Variants in BEST3 observed in about 807,000 individuals in gnomAD.
BEST3 encodes the protein bestrophin-3.
In BEST3, 50 loss-of-function variants were observed where a neutral mutation model predicts 47.1. That is an observed-to-expected ratio of 1.06 (90% CI 0.85 to 1.34). BEST3 has a LOEUF of 1.34. Ranked by LOEUF, BEST3 falls within the 40% of genes most tolerant of loss-of-function variation. BEST3 has a pLI of 0.00. For synonymous variants in BEST3, 282 were observed against 298.8 expected, an observed-to-expected ratio of 0.94 and a Z score of 0.58; for missense variants, 765 against 817.0, an observed-to-expected ratio of 0.94 and a Z score of 0.78.
rs1452039198 is a variant in BEST3, at chr12:69,655,654, G to A, written c.1260C>T (p.Ser420=). ...RRSYRRQTSD[S]SMFLPRDDLS... ...GGTCATCTCGGGGTAAGAACATGGA[G>A]CTGTCACTTGTCTGCCTCCTGTAGC... Residue 420 remains serine (S), a synonymous_variant, in exon 10 of 10, where the codon AGC becomes AGT. Coordinates refer to ENST00000330891, the MANE Select transcript of BEST3 (RefSeq NM_032735.3). 1.9e-6 allele frequency: 3 copies of A among 1,614,004 alleles called. No homozygotes were observed. Among genetic ancestry groups the A allele is most frequent in the Non-Finnish European group, 1.7e-6 (2 of 1,180,002 alleles).
chr12:69,698,604 A>G (rs1171393376), intron 1 of BEST3, among the ~76,000 whole-genome samples: 4 of 152,224 alleles, frequency 2.6e-5, no homozygotes, highest in African/African-American at 7.2e-5. Context: ...AGGATCTATG[A>G]GGAGAGTCTT....
intron 9 of BEST3, chr12:69,659,961 A>G (rs710735): frequency 0.98 from 149,680 of 152,188 alleles, 73,656 homozygotes; most frequent in East Asian, 1. Flanking sequence ...GACATTCATG[A>G]AAAGTGTCAT....
At chr12:69,659,136 T>A (rs1346907456) in intron 9 of BEST3, among the ~76,000 whole-genome samples, 1 of 152,164 alleles carries the variant, frequency 6.6e-6, no homozygotes, top group Non-Finnish European at 1.5e-5. Flanking sequence ...TATCTTACAC[T>A]GAGTGGTGAA....
At chr12:69,693,581 G>T in intron 4 of BEST3, 93 bp downstream of exon 4, 1 of 1,089,284 alleles carries the variant, frequency 9.2e-7, no homozygotes, top group Non-Finnish European at 1.3e-6. Flanking sequence ...TGTTTCTTGA[G>T]TGAATAAACA....
At chr12:69,677,097 G>A in intron 6 of BEST3, 29 bp from the exon 7 acceptor site, 1 of 1,614,118 alleles carries the variant, frequency 6.2e-7, no homozygotes, top group Non-Finnish European at 8.5e-7. Flanking sequence ...AGAGTGAGGG[G>A]ACAGTGCTGG....
chr12:69,673,568 G>C (rs1260422252), intron 7 of BEST3, among the ~76,000 whole-genome samples: 1 of 152,116 alleles, frequency 6.6e-6, no homozygotes, highest in Non-Finnish European at 1.5e-5. Context: ...CTCCTGAGTA[G>C]CTGGGACTAC....
At chr12:69,657,223 G>C (rs1177413089) in intron 9 of BEST3, among the ~76,000 whole-genome samples, 1 of 151,996 alleles carries the variant, frequency 6.6e-6, no homozygotes, top group Non-Finnish European at 1.5e-5. Flanking sequence ...AGCCTCCCCA[G>C]TAGCTGGGAT....
At chr12:69,684,699 T>TA in intron 4 of BEST3, 1 of 496,914 alleles carries the variant, frequency 2.0e-6, no homozygotes, top group Non-Finnish European at 3.8e-6. Context: ...GGCTTGTTTT[T>TA]ATCTCTGTGT....
At chr12:69,651,766 ACT>A (rs1883216181), downstream of BEST3, among the ~76,000 whole-genome samples, 2 of 139,118 alleles carry the variant, frequency 1.4e-5, no homozygotes, top group Non-Finnish European at 3.1e-5. Flanking sequence ...ACAAAGTGAG[ACT>A]CTGTCTCAAA....
chr12:69,650,144 G>T (rs1019342160), downstream of BEST3, among the ~76,000 whole-genome samples: 1 of 152,202 alleles, frequency 6.6e-6, no homozygotes, highest in East Asian at 1.9e-4. Flanking sequence ...TTTTCCATTT[G>T]CCATGGCCAG....
intron 9 of BEST3, among the ~76,000 whole-genome samples, chr12:69,668,811 C>G (rs975955998): frequency 2.6e-5 from 4 of 152,136 alleles, no homozygotes; most frequent in African/African-American, 9.7e-5. Context: ...GAGCCCGAGC[C>G]CAGTCAGTCA....
chr12:69,659,352 C>T (rs190705026), intron 9 of BEST3, among the ~76,000 whole-genome samples: 17 of 152,176 alleles, frequency 1.1e-4, no homozygotes, highest in South Asian at 2.1e-4. Context: ...AAATAGAATA[C>T]GTATATATTT....
intron 7 of BEST3, among the ~76,000 whole-genome samples, chr12:69,674,047 C>G (rs766658121): frequency 5.3e-5 from 8 of 151,940 alleles, no homozygotes; most frequent in Non-Finnish European, 1.0e-4. Flanking sequence ...TTTTTATTAT[C>G]TGGACATGCG....
At chr12:69,672,341 G>A (rs1359819290) in intron 8 of BEST3, among the ~76,000 whole-genome samples, 4 of 152,240 alleles carry the variant, frequency 2.6e-5, no homozygotes, top group African/African-American at 9.6e-5. Flanking sequence ...ATTCCTTAGT[G>A]CTGTTTCTTC....
At chr12:69,696,636 T>C (rs1019654644) in intron 2 of BEST3, among the ~76,000 whole-genome samples, 1 of 152,170 alleles carries the variant, frequency 6.6e-6, no homozygotes, top group Non-Finnish European at 1.5e-5. Context: ...TGTTTTGACA[T>C]GTGGAAAAAT....
At chr12:69,656,833 G>A (rs1883532833) in intron 9 of BEST3, among the ~76,000 whole-genome samples, 2 of 152,110 alleles carry the variant, frequency 1.3e-5, no homozygotes, top group African/African-American at 4.8e-5. Context: ...CTAGAGCCCA[G>A]GGTGGAATAG....
rs548150304 is a variant in BEST3, at chr12:69,682,027, A to G, written c.482-3134T>C. ...ACCCGGGAATGCAGAGGTTGCAGTG[A>G]GCCGAGATTGTGCCATTGCACTCCA... On this transcript the variant is annotated intron_variant, in intron 4 of 9. Transcript: ENST00000330891. Among the ~76,000 whole-genome samples the G allele has an allele frequency of 1.0e-3, 149 of 146,556 alleles. No individual in the cohort carries two copies. In the Middle Eastern group the frequency reaches 0.018, roughly 17 times the overall value.
intron 9 of BEST3, chr12:69,670,103 A>C (rs1884464697): frequency 4.7e-6 from 1 of 212,648 alleles, no homozygotes; most frequent in Non-Finnish European, 9.6e-6. Flanking sequence ...ATCTAAAATC[A>C]AACTCACAGA....
rs1883316710 is a variant in BEST3, at chr12:69,654,159, A to C, written c.*748T>G. 1.0e-6 allele frequency: 1 copy of C among 985,246 alleles called. No individual in the cohort carries two copies. Among genetic ancestry groups the C allele is most frequent in the Admixed American group, 6.1e-5 (1 of 16,264 alleles). 61.0% of individuals were successfully genotyped at this position (985,246 alleles called of 1,614,324 possible). On this transcript the variant is annotated 3_prime_UTR_variant, in exon 10 of 10. Transcript: ENST00000330891. ...GCTTTGCCAATGTCTTATATTTTGA[A>C]ATTCATGGCAAGACATAAGCAACAG...
Sources: gnomAD v4.1 joint callset for allele counts (sites outside exome capture counted in the v4.1 genomes callset) on GRCh38, gnomAD v4.1.1 for gene constraint, MANE v1.5 for transcripts, NCBI Gene and HGNC (gene_info 2026-07-23, HGNC 2026-07-21) for gene names.